SFMBT2: variants seen among roughly 807,000 people sequenced by gnomAD.
SFMBT2 encodes the protein scm-like with four MBT domains protein 2.
SFMBT2 carries 38 observed loss-of-function variants against 110.1 expected under a neutral mutation model. The observed-to-expected ratio is 0.35, with a 90% CI of 0.27 to 0.45. The LOEUF is 0.45. Ranked by LOEUF, SFMBT2 falls within the 20% of genes least tolerant of loss-of-function variation. SFMBT2 has a pLI of 1.00. For missense variants in SFMBT2, 1,011 were observed against 1,094.9 expected, an observed-to-expected ratio of 0.92 and a Z score of 1.08; for synonymous variants, 425 against 425.4, an observed-to-expected ratio of 1.00 and a Z score of 0.01.
intron 7 of SFMBT2, among the ~76,000 whole-genome samples, chr10:7,274,625 G>A (rs536333786): frequency 2.6e-5 from 4 of 152,124 alleles, no homozygotes; most frequent in Non-Finnish European, 5.9e-5. Flanking sequence ...GCTGAACTGT[G>A]AGTCAATTAA....
chr10:7,266,290 A>G lies in SFMBT2; in HGVS notation c.870+10602T>C, dbSNP rs556329595. Among the ~76,000 whole-genome samples the G allele has an allele frequency of 4.0e-5, 6 of 151,650 alleles. No individual in the cohort carries two copies. In the South Asian group the frequency reaches 1.0e-3, roughly 26 times the overall value. Reference sequence around the variant, plus strand: ...TTTTTAGTAGAGATGGGGTTTCACCATGTTGGCCAGGCTGGTCTCGAACTC... The same window carrying G: ...TTTTTAGTAGAGATGGGGTTTCACCGTGTTGGCCAGGCTGGTCTCGAACTC... On this transcript the variant is annotated intron_variant, in intron 7 of 20. Transcript: ENST00000397167.
At chr10:7,375,412 T>C (rs1351969000) in intron 2 of SFMBT2, among the ~76,000 whole-genome samples, 3 of 152,176 alleles carry the variant, frequency 2.0e-5, no homozygotes, top group Non-Finnish European at 2.9e-5. Context: ...AACCGGGAAT[T>C]GGCAGATTCA....
rs1842322346 is a variant in SFMBT2, at chr10:7,293,646, GA to G, written c.437-7693del. ...CATCACAGCTAGACTGCATAATAAA[GA>G]GACCCAAAAACACAGCCACAGAGGT... On this transcript the variant is annotated intron_variant, in intron 4 of 20. Transcript: ENST00000397167. The surrounding 1 kb of genome is among the most constrained non-coding windows in gnomAD (Gnocchi z 4.6). 6.6e-6 allele frequency among the ~76,000 whole-genome samples: 1 copy of G among 152,150 alleles called. No individual in the cohort carries two copies. Among genetic ancestry groups the G allele is most frequent in the African/African-American group, 2.4e-5 (1 of 41,428 alleles).
At chr10:7,263,537 C>T (rs935553530) in intron 7 of SFMBT2, among the ~76,000 whole-genome samples, 4 of 152,164 alleles carry the variant, frequency 2.6e-5, no homozygotes, top group Admixed American at 2.0e-4. Flanking sequence ...CCACCGTGCC[C>T]GGCCAACAGC....
chr10:7,254,640 T>G (rs1441275589), intron 7 of SFMBT2, among the ~76,000 whole-genome samples: 1 of 151,866 alleles, frequency 6.6e-6, no homozygotes, highest in African/African-American at 2.4e-5. Context: ...GCCAACATGG[T>G]GAAACCCCAT....
intron 7 of SFMBT2, among the ~76,000 whole-genome samples, chr10:7,276,603 A>C (rs1841783782): frequency 6.6e-6 from 1 of 152,154 alleles, no homozygotes; most frequent in African/African-American, 2.4e-5. Context: ...ATCTCAGCTC[A>C]CTGTAACTTC....
chr10:7,390,779 T>A (rs1845742065), intron 1 of SFMBT2, among the ~76,000 whole-genome samples: 1 of 152,224 alleles, frequency 6.6e-6, no homozygotes, highest in Non-Finnish European at 1.5e-5. Flanking sequence ...GACTGTAAAA[T>A]TTAAATGCAT....
intron 4 of SFMBT2, among the ~76,000 whole-genome samples, chr10:7,300,532 C>A (rs1286800280): frequency 1.3e-5 from 2 of 152,192 alleles, no homozygotes; most frequent in African/African-American, 4.8e-5. Flanking sequence ...TTCACACATA[C>A]TTTAGAACAT....
At position 7,276,907 on chromosome 10, in the gene SFMBT2, T is replaced by C; in HGVS notation, c.855A>G (p.Pro285=). 1.1e-6 allele frequency: 1 copy of C among 872,188 alleles called. No homozygotes were observed. Among genetic ancestry groups the C allele is most frequent in the Non-Finnish European group, 2.0e-6 (1 of 500,976 alleles). The allele number at this position is 872,188 out of a possible 1,614,324, so 54.0% of individuals were successfully genotyped here. The change falls in exon 7 of 21, where the codon CCA becomes CCG. Residue 285 remains proline, a synonymous_variant. Transcript: ENST00000397167. ...AACATCTTACCTTAAACACTTCCAT[T>C]GGAAGAGGAAATTTGGCAGCATCAA... The part of the protein sequence containing the change: ...SLIDAAKFPL[P]MEVFKDHADL...
At chr10:7,370,605 T>G (rs1845034507) in intron 2 of SFMBT2, among the ~76,000 whole-genome samples, 1 of 152,140 alleles carries the variant, frequency 6.6e-6, no homozygotes. Flanking sequence ...AAATCAAGAG[T>G]AACACTGGGT....
At chr10:7,193,755 G>T (rs1227504167) in intron 15 of SFMBT2, among the ~76,000 whole-genome samples, 1 of 152,166 alleles carries the variant, frequency 6.6e-6, no homozygotes, top group African/African-American at 2.4e-5. Flanking sequence ...CTACAGGCCT[G>T]GTGATTCATG....
In SFMBT2 at chr10:7,410,902, G is replaced by C. The variant is rs535316053; in HGVS notation, c.-93C>G. ...TGCCCTCGGCGTGGACCCAGGCCCCGGTCGCCGCCCGGGAGGGCACCGGCC... is the reference window on the plus strand; with the variant it reads ...TGCCCTCGGCGTGGACCCAGGCCCCCGTCGCCGCCCGGGAGGGCACCGGCC... On this transcript the variant is annotated 5_prime_UTR_variant, in exon 1 of 21. Transcript: ENST00000397167. Among the ~76,000 whole-genome samples the C allele has an allele frequency of 3.3e-5, 5 of 151,302 alleles. No individual in the cohort carries two copies. The South Asian group carries it at 1.0e-3, about 31-fold the overall frequency.
chr10:7,405,551 G>A (rs1434755234), intron 1 of SFMBT2, among the ~76,000 whole-genome samples: 2 of 152,162 alleles, frequency 1.3e-5, no homozygotes, highest in African/African-American at 2.4e-5. Flanking sequence ...CACAAGCACG[G>A]TTGCACATGG....
intron 4 of SFMBT2, among the ~76,000 whole-genome samples, chr10:7,315,836 C>T (rs141674237): frequency 9.2e-5 from 14 of 152,336 alleles, no homozygotes; most frequent in African/African-American, 3.4e-4. Context: ...CAGTCCCCAC[C>T]TCACAGGCTT....
At chr10:7,399,194 G>A (rs1239534405) in intron 1 of SFMBT2, among the ~76,000 whole-genome samples, 1 of 152,212 alleles carries the variant, frequency 6.6e-6, no homozygotes, top group Admixed American at 6.5e-5. Context: ...TACAACTGGA[G>A]TGCATAGATA....
At chr10:7,348,459 C>T in intron 4 of SFMBT2, 2 of 714,596 alleles carry the variant, frequency 2.8e-6, no homozygotes, top group South Asian at 5.6e-5. Context: ...AAAAAATTGA[C>T]ATTGTTTAAT....
chr10:7,346,336 C>A, intron 4 of SFMBT2, among the ~76,000 whole-genome samples: 1 of 152,184 alleles, frequency 6.6e-6, no homozygotes, highest in East Asian at 1.9e-4. Context: ...TGATTGCTTG[C>A]ATTCATCTTA....
At chr10:7,273,570 C>T (rs775521364) in intron 7 of SFMBT2, among the ~76,000 whole-genome samples, 1 of 152,156 alleles carries the variant, frequency 6.6e-6, no homozygotes, top group Non-Finnish European at 1.5e-5. Context: ...GTGTACCGCA[C>T]CCATTAACTC....
chr10:7,293,962 C>T lies in SFMBT2; in HGVS notation c.437-8008G>A, dbSNP rs1842330964. On this transcript the variant is annotated intron_variant, in intron 4 of 20. Transcript: ENST00000397167. This position sits in a 1 kb window ranked among gnomAD's most constrained non-coding sequence, Gnocchi z 4.6. ...GTGTATCAGTGATGTATATCACAGA[C>T]ATCACTTCCTCGCTGGACATGGCCA... Among the ~76,000 whole-genome samples, 1 of 152,232 alleles carries T rather than the reference C, an allele frequency of 6.6e-6. No homozygotes were observed. Among genetic ancestry groups the T allele is most frequent in the Non-Finnish European group, 1.5e-5 (1 of 68,052 alleles).
Sources: allele counts gnomAD v4.1 joint callset (sites outside exome capture counted in the v4.1 genomes callset), GRCh38; gene constraint gnomAD v4.1.1; non-coding constraint Gnocchi (gnomAD v3.1); transcripts MANE v1.5; gene names NCBI Gene and HGNC (gene_info 2026-07-23, HGNC 2026-07-21).